HTR4: variants seen among roughly 807,000 people sequenced by gnomAD.
HTR4 encodes 5-hydroxytryptamine receptor 4.
HTR4 carries 16 observed loss-of-function variants against 36.8 expected under a neutral mutation model. The ratio of observed to expected loss-of-function variants is 0.43; its 90% CI spans 0.29 to 0.66. The LOEUF (loss-of-function observed/expected upper bound fraction) is 0.66, where lower values mean the gene tolerates loss of function less well. HTR4 is among the 30% of genes least tolerant of loss of function. The pLI is 0.13. For synonymous variants in HTR4, 189 were observed against 185.1 expected (o/e 1.02, Z -0.17); for missense variants, 438 against 490.9 (o/e 0.89, Z 1.02).
intron 6 of HTR4, among the ~76,000 whole-genome samples, chr5:148,505,562 A>C: frequency 6.6e-6 from 1 of 152,196 alleles, no homozygotes; most frequent in Non-Finnish European, 1.5e-5. Context: ...GTATTCAATT[A>C]GGAAAAGAGG....
chr5:148,582,323 G>C (rs1435903505), intron 2 of HTR4, among the ~76,000 whole-genome samples: 1 of 151,958 alleles, frequency 6.6e-6, no homozygotes, highest in African/African-American at 2.4e-5. Flanking sequence ...TAAGATGCAA[G>C]GGGTACATGT....
At chr5:148,613,740 T>C (rs1752540964) in intron 2 of HTR4, among the ~76,000 whole-genome samples, 1 of 148,394 alleles carries the variant, frequency 6.7e-6, no homozygotes, top group Non-Finnish European at 1.5e-5. Flanking sequence ...GAAGTCAAAT[T>C]GTCCCTGTTT....
intron 2 of HTR4, among the ~76,000 whole-genome samples, chr5:148,607,307 G>A (rs1248005570): frequency 1.3e-5 from 2 of 152,124 alleles, no homozygotes; most frequent in African/African-American, 4.8e-5. Context: ...GCACAGACTG[G>A]ACCAGAGTTC....
chr5:148,454,799 C>T (rs1243976389), intron 5 of HTR4, among the ~76,000 whole-genome samples: 3 of 152,128 alleles, frequency 2.0e-5, no homozygotes, highest in Non-Finnish European at 2.9e-5. Context: ...GAGTGAGTCT[C>T]CTGAGTGTCA....
At chr5:148,534,696 C>T (rs573648923) in intron 4 of HTR4, among the ~76,000 whole-genome samples, 29 of 152,228 alleles carry the variant, frequency 1.9e-4, no homozygotes, top group African/African-American at 6.5e-4. Flanking sequence ...CCCACCTACT[C>T]CTTCTGCTTG....
At chr5:148,609,822 T>C (rs1355829766) in intron 2 of HTR4, among the ~76,000 whole-genome samples, 1 of 152,126 alleles carries the variant, frequency 6.6e-6, no homozygotes, top group African/African-American at 2.4e-5. Context: ...CACCTCAGCC[T>C]CCCAAAGTAC....
intron 5 of HTR4, among the ~76,000 whole-genome samples, chr5:148,517,700 C>T (rs183817180): frequency 4.6e-5 from 7 of 152,154 alleles, no homozygotes; most frequent in Admixed American, 3.3e-4. Context: ...ATTACAATCT[C>T]GATTGTTATC....
intron 2 of HTR4, among the ~76,000 whole-genome samples, chr5:148,600,823 G>A (rs566216756): frequency 9.9e-5 from 15 of 151,234 alleles, no homozygotes; most frequent in Admixed American, 5.3e-4. Flanking sequence ...TGAACAAGTG[G>A]CATTGTATGA....
intron 4 of HTR4, among the ~76,000 whole-genome samples, chr5:148,545,182 G>A (rs1380177382): frequency 2.6e-5 from 4 of 151,790 alleles, no homozygotes; most frequent in African/African-American, 9.7e-5. Context: ...ACAAGCTGGA[G>A]GCAAGATCCC....
Position 148,654,043 on chromosome 5 carries a change from G to A in HTR4, c.-48+19C>T. 1.0e-6 allele frequency: 1 copy of A among 985,218 alleles called. No individual in the cohort carries two copies. The highest frequency in any genetic ancestry group is 1.2e-6 in the Non-Finnish European group (1 of 829,812). The allele number at this position is 985,218 out of a possible 1,614,324, so 61.0% of individuals were successfully genotyped here. On this transcript the variant is annotated intron_variant, in intron 1 of 6. Coordinates refer to ENST00000377888, the MANE Select transcript of HTR4 (RefSeq NM_000870.7). ...TGGGCTCCTGGGGTCCCGACCCCCG[G>A]CGCACTTGCCGCACATACCCGCTGC...
intron 1 of HTR4, among the ~76,000 whole-genome samples, chr5:148,650,732 AC>A (rs760766844): frequency 6.6e-6 from 1 of 152,054 alleles, no homozygotes; most frequent in African/African-American, 2.4e-5. Flanking sequence ...CACTGCCACC[AC>A]CCCTTTCACT....
At chr5:148,645,554 C>A (rs1020422307) in intron 1 of HTR4, 1 of 152,150 alleles carries the variant, frequency 6.6e-6, no homozygotes, top group Non-Finnish European at 1.5e-5. Context: ...TGTCCTAGTT[C>A]TATTAACTAC....
chr5:148,591,261 T>G (rs1380683294), intron 2 of HTR4, among the ~76,000 whole-genome samples: 1 of 152,194 alleles, frequency 6.6e-6, no homozygotes, highest in Non-Finnish European at 1.5e-5. Flanking sequence ...GTGAGTAACA[T>G]TACGCCTCCA....
intron 1 of HTR4, among the ~76,000 whole-genome samples, chr5:148,650,552 A>G (rs1011438835): frequency 3.9e-5 from 6 of 152,228 alleles, no homozygotes; most frequent in African/African-American, 1.4e-4. Context: ...GCAAACCAAG[A>G]AGAATAAAGA....
intron 2 of HTR4, among the ~76,000 whole-genome samples, chr5:148,621,402 T>C (rs911643111): frequency 6.6e-6 from 1 of 152,200 alleles, no homozygotes; most frequent in Non-Finnish European, 1.5e-5. Flanking sequence ...TCCAACCCTA[T>C]GAGCCACCTG....
chr5:148,512,581 C>A (rs536980069), intron 5 of HTR4, among the ~76,000 whole-genome samples: 9 of 152,212 alleles, frequency 5.9e-5, no homozygotes, highest in African/African-American at 2.2e-4. Flanking sequence ...CTGAAAGAAC[C>A]TATACTTTTG....
intron 2 of HTR4, among the ~76,000 whole-genome samples, chr5:148,612,020 T>A (rs372713328): frequency 3.3e-5 from 5 of 152,152 alleles, no homozygotes; most frequent in Admixed American, 2.6e-4. Flanking sequence ...GCACCCAGAT[T>A]CATAAAGCAA....
intron 2 of HTR4, among the ~76,000 whole-genome samples, chr5:148,585,939 G>C (rs1186430448): frequency 6.6e-6 from 1 of 151,992 alleles, no homozygotes; most frequent in Non-Finnish European, 1.5e-5. Flanking sequence ...CTTACTTCTG[G>C]TTGGCCTTCA....
intron 4 of HTR4, among the ~76,000 whole-genome samples, chr5:148,531,868 G>A (rs532479291): frequency 1.3e-5 from 2 of 152,090 alleles, no homozygotes; most frequent in Non-Finnish European, 2.9e-5. Context: ...CTCAACCAGG[G>A]GTGACTTTGC....
Sources: gnomAD v4.1 joint callset for allele counts (sites outside exome capture counted in the v4.1 genomes callset) on GRCh38, gnomAD v4.1.1 for gene constraint, MANE v1.5 for transcripts, NCBI Gene and HGNC (gene_info 2026-07-23, HGNC 2026-07-21) for gene names.